The following WNK2 variants were observed in gnomAD, a reference collection of about 807,000 sequenced individuals.
WNK2 encodes the protein serine/threonine-protein kinase WNK2.
A neutral mutation model predicts 192.1 loss-of-function variants in WNK2; 67 were observed. That is an observed-to-expected ratio of 0.35 (90% CI 0.29 to 0.43). The LOEUF (loss-of-function observed/expected upper bound fraction) is 0.43, where lower values mean the gene tolerates loss of function less well. Ranked by LOEUF, WNK2 falls within the 20% of genes least tolerant of loss-of-function variation. WNK2 has a pLI of 1.00. For synonymous variants in WNK2, 1,439 were observed against 1,393.9 expected (o/e 1.03, Z -0.72); for missense variants, 2,698 against 3,089.7 (o/e 0.87, Z 3.01).
At chr9:93,220,848 AC>A (rs1270281980) in intron 2 of WNK2, among the ~76,000 whole-genome samples, 1 of 152,088 alleles carries the variant, frequency 6.6e-6, no homozygotes, top group Non-Finnish European at 1.5e-5. Context: ...TGTCAGCTGC[AC>A]CCTGTCATGG....
chr9:93,291,781 G>C (rs575604521), intron 21 of WNK2, among the ~76,000 whole-genome samples: 1 of 152,318 alleles, frequency 6.6e-6, no homozygotes, highest in South Asian at 2.1e-4. Flanking sequence ...CCCCATGTCA[G>C]CTTGCTTGGC....
chr9:93,304,046 G>A (rs1207099856), intron 26 of WNK2, among the ~76,000 whole-genome samples: 2 of 152,204 alleles, frequency 1.3e-5, no homozygotes, highest in Non-Finnish European at 2.9e-5. Context: ...GGGCTCCTGG[G>A]CAGTATTGAG....
intron 23 of WNK2, among the ~76,000 whole-genome samples, chr9:93,293,962 CCTT>C (rs1849813067): frequency 6.6e-6 from 1 of 152,130 alleles, no homozygotes; most frequent in African/African-American, 2.4e-5. Flanking sequence ...CTCCCACCCT[CCTT>C]CTTTCTCTTC....
Position 93,300,686 on chromosome 9 carries a change from G to A in WNK2, c.6214+537G>A, listed in dbSNP as rs562336941. On this transcript the variant is annotated intron_variant, in intron 26 of 29. Transcript: ENST00000427277. The stretch of plus-strand genomic sequence containing the variant: ...GGTTCTAAAGGTCACTGGAGGGCGT[G>A]GTTTCTGTACCAGGGCCAAATCCCA... Among the ~76,000 whole-genome samples the A allele has an allele frequency of 2.0e-5, 3 of 152,256 alleles. No homozygotes were observed. In the South Asian group the frequency reaches 6.2e-4, roughly 32 times the overall value.
intron 19 of WNK2, among the ~76,000 whole-genome samples, chr9:93,271,060 C>G (rs975876947): frequency 7.2e-5 from 11 of 152,138 alleles, no homozygotes; most frequent in Admixed American, 5.9e-4. Flanking sequence ...TGGGCTCACC[C>G]CCAACCTGTG....
chr9:93,306,501 T>A lies in WNK2; in HGVS notation c.6215-276T>A, dbSNP rs903045762. On this transcript the variant is annotated intron_variant, in intron 26 of 29. Coordinates refer to ENST00000427277, the MANE Select transcript of WNK2 (RefSeq NM_006648.4). ...TTTTCTTTTTTCTTTCTCTTTTACT[T>A]TTCTTAGAATATGCTTCTAGAGACA... 13 of 443,276 alleles carry A rather than the reference T, an allele frequency of 2.9e-5. No individual in the cohort carries two copies. In the Admixed American group the frequency reaches 5.0e-4, roughly 17 times the overall value. The allele number at this position is 443,276 out of a possible 1,614,324, so 27.5% of individuals were successfully genotyped here. A position where few individuals can be genotyped will look rare whatever the true frequency, so the allele number is the denominator to read the frequency against.
At chr9:93,297,363 C>T (rs1391378171) in intron 23 of WNK2, among the ~76,000 whole-genome samples, 1 of 152,162 alleles carries the variant, frequency 6.6e-6, no homozygotes, top group East Asian at 1.9e-4. Flanking sequence ...GTGGCATGGC[C>T]CCTGGAAGTC....
intron 4 of WNK2, among the ~76,000 whole-genome samples, chr9:93,232,532 G>T (rs1479369111): frequency 6.6e-6 from 1 of 152,164 alleles, no homozygotes; most frequent in East Asian, 1.9e-4. Flanking sequence ...CTCAAACCCC[G>T]GGCGCAGTCA....
intron 11 of WNK2, 59 bp from the exon 12 acceptor site, chr9:93,258,872 T>A: frequency 6.8e-7 from 1 of 1,474,972 alleles, no homozygotes; most frequent in Non-Finnish European, 9.3e-7. Flanking sequence ...TGCATGCAAG[T>A]GCTGTGGGCA....
At chr9:93,237,454 A>C (rs200637211) in intron 5 of WNK2, among the ~76,000 whole-genome samples, 2 of 152,100 alleles carry the variant, frequency 1.3e-5, no homozygotes, top group East Asian at 3.9e-4. Context: ...GCTGCGGTGA[A>C]GTGTTCGATT....
chr9:93,308,265 G>A, intron 27 of WNK2, 63 bp from the exon 28 acceptor site: 1 of 1,511,928 alleles, frequency 6.6e-7, no homozygotes, highest in South Asian at 1.3e-5. Flanking sequence ...AATGCGGCCA[G>A]CCCACTGGGG....
At chr9:93,290,323 T>G (rs1849137107) in intron 21 of WNK2, among the ~76,000 whole-genome samples, 1 of 151,804 alleles carries the variant, frequency 6.6e-6, no homozygotes, top group African/African-American at 2.4e-5. Context: ...TTGTTAAGCT[T>G]CTTATGAGCT....
At chr9:93,197,246 G>A (rs571635976) in intron 2 of WNK2, among the ~76,000 whole-genome samples, 1 of 152,248 alleles carries the variant, frequency 6.6e-6, no homozygotes, top group Non-Finnish European at 1.5e-5. Flanking sequence ...CTCTTGATAG[G>A]AACGAGGATG....
intron 19 of WNK2, among the ~76,000 whole-genome samples, chr9:93,278,964 C>T (rs988907876): frequency 2.0e-5 from 3 of 152,194 alleles, no homozygotes; most frequent in African/African-American, 7.2e-5. Flanking sequence ...GACTTGGAAT[C>T]GAAAGGAACT....
intron 21 of WNK2, among the ~76,000 whole-genome samples, chr9:93,291,045 C>A (rs988939374): frequency 1.3e-5 from 2 of 152,196 alleles, no homozygotes; most frequent in African/African-American, 2.4e-5. Flanking sequence ...TATTTCTAGA[C>A]GCCAGACTTT....
At chr9:93,310,579 C>A (rs10992702) in intron 28 of WNK2, among the ~76,000 whole-genome samples, 3 of 151,896 alleles carry the variant, frequency 2.0e-5, no homozygotes, top group Admixed American at 2.0e-4. Context: ...TTCATCTTCC[C>A]CAGGGAAACT....
At chr9:93,209,406 C>T (rs552137880) in intron 2 of WNK2, among the ~76,000 whole-genome samples, 19 of 152,298 alleles carry the variant, frequency 1.2e-4, no homozygotes, top group Non-Finnish European at 2.2e-4. Context: ...ACACATGGAA[C>T]ACCTCAGCCC....
chr9:93,268,771 A>G (rs1210240067), intron 19 of WNK2, 25 bp downstream of exon 19: 1 of 1,602,820 alleles, frequency 6.2e-7, no homozygotes, highest in African/African-American at 1.3e-5. Context: ...CGCCCACACA[A>G]GCCCCTCCCT....
intron 19 of WNK2, among the ~76,000 whole-genome samples, chr9:93,272,190 A>G (rs546585027): frequency 2.0e-5 from 3 of 152,368 alleles, no homozygotes; most frequent in South Asian, 4.1e-4. Context: ...CTGAAGGAAG[A>G]GCAACAGAAG....
Sources: allele counts gnomAD v4.1 joint callset (sites outside exome capture counted in the v4.1 genomes callset), GRCh38; gene constraint gnomAD v4.1.1; transcripts MANE v1.5; gene names NCBI Gene and HGNC (gene_info 2026-07-23, HGNC 2026-07-21).